The following FCHSD2 variants were observed in gnomAD, a reference collection of about 807,000 sequenced individuals.
FCHSD2 encodes the protein F-BAR and double SH3 domains protein 2.
FCHSD2 carries 38 observed loss-of-function variants against 108.1 expected under a neutral mutation model. The ratio of observed to expected loss-of-function variants is 0.35; its 90% CI spans 0.27 to 0.46. The LOEUF (loss-of-function observed/expected upper bound fraction) is 0.46, where lower values mean the gene tolerates loss of function less well. FCHSD2 is among the 20% of genes least tolerant of loss of function. The probability of loss-of-function intolerance (pLI) is 1.00; values close to 1 mark genes in which losing one functional copy is unlikely to be tolerated. For synonymous variants in FCHSD2, 279 were observed against 314.7 expected, an observed-to-expected ratio of 0.89 and a Z score of 1.20; for missense variants, 751 against 897.8, an observed-to-expected ratio of 0.84 and a Z score of 2.09.
intron 12 of FCHSD2, among the ~76,000 whole-genome samples, chr11:72,883,215 G>C (rs117280763): frequency 0.021 from 3,129 of 152,194 alleles, 60 homozygotes; most frequent in Non-Finnish European, 0.03. Flanking sequence ...AGAAAAGCTT[G>C]AACTATAACA....
intron 2 of FCHSD2, among the ~76,000 whole-genome samples, chr11:73,095,906 G>T (rs1443196399): frequency 1.3e-5 from 2 of 148,848 alleles, no homozygotes; most frequent in Non-Finnish European, 3.0e-5. Flanking sequence ...GACTGGCTGA[G>T]GATTAAAAAA....
chr11:72,874,179 C>T (rs1854920546), intron 12 of FCHSD2, among the ~76,000 whole-genome samples: 2 of 152,256 alleles, frequency 1.3e-5, no homozygotes, highest in South Asian at 4.1e-4. Context: ...TGCCCTAGCA[C>T]CATTGTAGTA....
intron 19 of FCHSD2, 70 bp downstream of exon 19, chr11:72,840,807 A>G (rs1045177916): frequency 1.6e-5 from 19 of 1,164,110 alleles, no homozygotes; most frequent in African/African-American, 3.0e-5. Flanking sequence ...GGCCACGGGG[A>G]AACATTAATT....
At chr11:72,968,713 T>C (rs1183379705) in intron 8 of FCHSD2, among the ~76,000 whole-genome samples, 2 of 152,220 alleles carry the variant, frequency 1.3e-5, no homozygotes, top group African/African-American at 4.8e-5. Flanking sequence ...TTAAAGGCTA[T>C]AAACTATATA....
rs1860904647 is a variant in FCHSD2, at chr11:72,840,860, C to G, written c.2139+17G>C. 6.4e-7 allele frequency: 1 copy of G among 1,562,114 alleles called. No homozygotes were observed. The highest frequency in any genetic ancestry group is 8.8e-7 in the Non-Finnish European group (1 of 1,132,828). Reference sequence around the variant, plus strand: ...AAGAACTATGCATTCGATAATCCTGCAAGATCAGAGACTTACAGGTCGCAG... The same window carrying G: ...AAGAACTATGCATTCGATAATCCTGGAAGATCAGAGACTTACAGGTCGCAG... On this transcript the variant is annotated intron_variant, in intron 19 of 19. Transcript: ENST00000409418.
intron 10 of FCHSD2, among the ~76,000 whole-genome samples, chr11:72,898,934 A>G (rs1591379501): frequency 1.3e-5 from 2 of 151,728 alleles, no homozygotes; most frequent in East Asian, 3.9e-4. Context: ...TTTTAGAGAA[A>G]GGGTTTCGCC....
chr11:72,850,508 C>T (rs1485281861), intron 13 of FCHSD2, among the ~76,000 whole-genome samples: 6 of 151,884 alleles, frequency 4.0e-5, no homozygotes. Context: ...TGCCCACCAC[C>T]ACGCCCGGCT....
At chr11:72,991,959 G>T (rs539593531) in intron 5 of FCHSD2, among the ~76,000 whole-genome samples, 1,805 of 152,280 alleles carry the variant, frequency 0.012, 11 homozygotes, top group South Asian at 0.02. Context: ...TAGGAAAAGA[G>T]GAAGTCAAAT....
intron 3 of FCHSD2, among the ~76,000 whole-genome samples, chr11:73,058,674 C>G (rs1431767048): frequency 1.3e-5 from 2 of 150,668 alleles, no homozygotes; most frequent in East Asian, 3.9e-4. Context: ...CAGCTCACTG[C>G]AACCTCTGCC....
At chr11:73,073,490 A>T (rs1031090228) in intron 3 of FCHSD2, among the ~76,000 whole-genome samples, 2 of 152,182 alleles carry the variant, frequency 1.3e-5, no homozygotes, top group East Asian at 3.8e-4. Flanking sequence ...AGGTAATACA[A>T]GTTTACTTTG....
intron 3 of FCHSD2, among the ~76,000 whole-genome samples, chr11:73,074,296 A>G (rs904928894): frequency 1.3e-5 from 2 of 152,200 alleles, no homozygotes; most frequent in Admixed American, 6.5e-5. Flanking sequence ...TGCTTGCAAG[A>G]CTACATAATA....
At chr11:73,126,768 T>G (rs1169995122) in intron 2 of FCHSD2, among the ~76,000 whole-genome samples, 1 of 152,200 alleles carries the variant, frequency 6.6e-6, no homozygotes, top group Non-Finnish European at 1.5e-5. Flanking sequence ...CTGGGTGCAG[T>G]GGCTCACGTC....
intron 2 of FCHSD2, among the ~76,000 whole-genome samples, chr11:73,116,392 A>G (rs1406661797): frequency 6.6e-6 from 1 of 152,248 alleles, no homozygotes; most frequent in Admixed American, 6.5e-5. Flanking sequence ...TCACAGTTAT[A>G]CAAGATTAAT....
intron 2 of FCHSD2, among the ~76,000 whole-genome samples, chr11:73,089,726 G>T (rs1352802631): frequency 6.6e-6 from 1 of 152,164 alleles, no homozygotes; most frequent in Admixed American, 6.5e-5. Context: ...AAAGTGTCTA[G>T]AATAAGCAAG....
At chr11:72,932,767 G>C (rs1437896600) in intron 8 of FCHSD2, among the ~76,000 whole-genome samples, 1 of 152,090 alleles carries the variant, frequency 6.6e-6, no homozygotes, top group Non-Finnish European at 1.5e-5. Context: ...ATAAAGGGAG[G>C]CATCAGGTCT....
chr11:73,035,784 G>C lies in FCHSD2; in HGVS notation c.166-19899C>G, dbSNP rs372694728. On this transcript the variant is annotated intron_variant, in intron 3 of 19. Coordinates refer to ENST00000409418, the MANE Select transcript of FCHSD2 (RefSeq NM_014824.3). ...TCACCAGGCTGGAGTACAGTGGCGC[G>C]ATCTTGGCTCACTGCAACCTCTGCC... Among the ~76,000 whole-genome samples the C allele has an allele frequency of 2.0e-5, 3 of 151,490 alleles. No individual in the cohort carries two copies. The South Asian group carries it at 6.2e-4, about 32-fold the overall frequency.
intron 8 of FCHSD2, chr11:72,940,675 A>C: frequency 1.7e-6 from 2 of 1,187,704 alleles, no homozygotes; most frequent in East Asian, 4.7e-5. Flanking sequence ...GCAAGGTTAC[A>C]TTATATATAG....
chr11:73,011,903 C>T (rs2135429087), intron 4 of FCHSD2, among the ~76,000 whole-genome samples: 1 of 152,254 alleles, frequency 6.6e-6, no homozygotes, highest in South Asian at 2.1e-4. Flanking sequence ...TATTCACTCA[C>T]TAGTTTGGTT....
At chr11:72,942,833 G>A (rs976516150) in intron 8 of FCHSD2, among the ~76,000 whole-genome samples, 18 of 152,112 alleles carry the variant, frequency 1.2e-4, no homozygotes, top group African/African-American at 4.1e-4. Context: ...CCAGGCTGGA[G>A]TGCAGTGGTA....
Sources: allele counts gnomAD v4.1 joint callset (sites outside exome capture counted in the v4.1 genomes callset), GRCh38; gene constraint gnomAD v4.1.1; transcripts MANE v1.5; gene names NCBI Gene and HGNC (gene_info 2026-07-23, HGNC 2026-07-21).